Variants in SFMBT1 observed in about 807,000 individuals in gnomAD.
The protein encoded by SFMBT1 is Scm like with four mbt domains 1.
In SFMBT1, 32 loss-of-function variants were observed where a neutral mutation model predicts 108.7. That is an observed-to-expected ratio of 0.29 (90% CI 0.22 to 0.40). The LOEUF is 0.40. SFMBT1 is among the 10% of genes least tolerant of loss of function. The pLI is 1.00. For synonymous variants in SFMBT1, 348 were observed against 369.5 expected, an observed-to-expected ratio of 0.94 and a Z score of 0.67; for missense variants, 816 against 1,059.6, an observed-to-expected ratio of 0.77 and a Z score of 3.19.
At position 52,928,358 on chromosome 3, in the gene SFMBT1, T is replaced by C. The variant is rs1016656108; in HGVS notation, c.898-17A>G. Reference sequence around the variant, plus strand: ...ATCAAAAACCTATACATGCAATTAATAGATGAAATAGACAAATGCACACAT... The same window carrying C: ...ATCAAAAACCTATACATGCAATTAACAGATGAAATAGACAAATGCACACAT... On this transcript the variant is annotated splice_polypyrimidine_tract_variant and intron_variant, in intron 8 of 20. Transcript: ENST00000394752. 1.7e-5 allele frequency: 27 copies of C among 1,610,634 alleles called. No individual in the cohort carries two copies. Among genetic ancestry groups the C allele is most frequent in the Non-Finnish European group, 2.1e-5 (25 of 1,179,330 alleles).
intron 1 of SFMBT1, among the ~76,000 whole-genome samples, chr3:53,040,750 A>G (rs552426076): frequency 2.6e-5 from 4 of 152,168 alleles, no homozygotes; most frequent in Non-Finnish European, 5.9e-5. Context: ...TTCAAACCAC[A>G]GAGTTCAACA....
intron 1 of SFMBT1, among the ~76,000 whole-genome samples, chr3:53,028,566 G>A (rs1382149234): frequency 6.6e-6 from 1 of 152,134 alleles, no homozygotes; most frequent in Non-Finnish European, 1.5e-5. Context: ...CCAGCTACTC[G>A]GGAGGCTGAG....
intron 1 of SFMBT1, among the ~76,000 whole-genome samples, chr3:53,030,683 CAAA>C (rs10668462): frequency 0.03 from 2,470 of 82,706 alleles, 60 homozygotes; most frequent in African/African-American, 0.091. Flanking sequence ...GGCCATAATG[CAAA>C]AAAAAAAAAA....
intron 1 of SFMBT1, among the ~76,000 whole-genome samples, chr3:53,007,381 G>A (rs1462365473): frequency 1.3e-5 from 2 of 152,188 alleles, no homozygotes; most frequent in Non-Finnish European, 2.9e-5. Flanking sequence ...CCAAAAAAAG[G>A]TCAATATTTG....
At chr3:53,025,564 C>T (rs1699459309) in intron 1 of SFMBT1, among the ~76,000 whole-genome samples, 1 of 151,962 alleles carries the variant, frequency 6.6e-6, no homozygotes, top group Admixed American at 6.6e-5. Flanking sequence ...TTCAGTGAGC[C>T]ATGATTGTGC....
intron 1 of SFMBT1, among the ~76,000 whole-genome samples, chr3:53,027,697 C>G (rs946670649): frequency 6.6e-6 from 1 of 152,296 alleles, no homozygotes. Flanking sequence ...CCTTTTTTCA[C>G]AGGCATGGAT....
At chr3:53,037,515 A>G (rs1460093884) in intron 1 of SFMBT1, among the ~76,000 whole-genome samples, 2 of 152,244 alleles carry the variant, frequency 1.3e-5, no homozygotes, top group Non-Finnish European at 2.9e-5. Flanking sequence ...GCCAACATTA[A>G]AAGAGAAATA....
At chr3:52,973,959 T>C (rs1031830695) in intron 1 of SFMBT1, among the ~76,000 whole-genome samples, 30 of 152,206 alleles carry the variant, frequency 2.0e-4, no homozygotes, top group African/African-American at 7.2e-4. Flanking sequence ...TGCCCTTTCT[T>C]TTCAAGGCTA....
chr3:53,006,628 C>CAAAAAAAAAAAA (rs145854514), intron 1 of SFMBT1, among the ~76,000 whole-genome samples: 7 of 126,310 alleles, frequency 5.5e-5, no homozygotes, highest in African/African-American at 2.0e-4. Flanking sequence ...AACTCCGTCT[C>CAAAAAAAAAAAA]AAAAAAAAAA....
At chr3:52,979,770 A>G (rs1354159429) in intron 1 of SFMBT1, among the ~76,000 whole-genome samples, 4 of 152,242 alleles carry the variant, frequency 2.6e-5, no homozygotes, top group Non-Finnish European at 5.9e-5. Context: ...CTGTCAATAA[A>G]TATTTACTGA....
chr3:52,962,712 G>C lies in SFMBT1; in HGVS notation c.28+6389C>G, dbSNP rs577621799. Among the ~76,000 whole-genome samples the C allele has an allele frequency of 2.7e-5, 4 of 149,254 alleles. No homozygotes were observed. The South Asian group carries it at 8.6e-4, about 32-fold the overall frequency. ...AATCCCAGCTACTCAGGAGGCTAAG[G>C]CATGAGAATCGTTTGAACCCAGAGG... On this transcript the variant is annotated intron_variant, in intron 2 of 20. Transcript: ENST00000394752.
intron 17 of SFMBT1, 94 bp from the exon 18 acceptor site, chr3:52,907,827 T>C: frequency 8.6e-7 from 1 of 1,157,294 alleles, no homozygotes; most frequent in Non-Finnish European, 1.2e-6. Flanking sequence ...AAAAAACAGG[T>C]ACATTGTATT....
chr3:52,963,092 C>A (rs1240934929), intron 2 of SFMBT1, among the ~76,000 whole-genome samples: 2 of 151,782 alleles, frequency 1.3e-5, no homozygotes, highest in African/African-American at 4.8e-5. Context: ...CTCCTGGGTA[C>A]AAGAGGTTCT....
At chr3:52,912,785 A>T (rs1020821773) in intron 15 of SFMBT1, 138 bp from the exon 16 acceptor site, 2 of 662,030 alleles carry the variant, frequency 3.0e-6, no homozygotes, top group Admixed American at 5.2e-5. Flanking sequence ...AATGTTAACA[A>T]AATAATAGTA....
chr3:52,958,459 C>T (rs1427443397), intron 2 of SFMBT1, among the ~76,000 whole-genome samples: 1 of 152,098 alleles, frequency 6.6e-6, no homozygotes, highest in Non-Finnish European at 1.5e-5. Context: ...GGCGTGGTGG[C>T]GTGTGCCTGT....
chr3:52,928,110 A>C, intron 9 of SFMBT1, 81 bp downstream of exon 9: 1 of 1,538,352 alleles, frequency 6.5e-7, no homozygotes, highest in Non-Finnish European at 8.8e-7. Context: ...GAGGGACAAA[A>C]GATTTCAGCA....
intron 1 of SFMBT1, among the ~76,000 whole-genome samples, chr3:52,979,844 G>C (rs375617710): frequency 1.3e-4 from 20 of 152,068 alleles, no homozygotes; most frequent in African/African-American, 4.8e-4. Context: ...CTGCCCTCAC[G>C]AATCTCATAA....
chr3:52,905,009 G>T lies in SFMBT1; in HGVS notation c.*127C>A. The T allele has an allele frequency of 7.6e-7, 1 of 1,307,878 alleles. No individual in the cohort carries two copies. The highest frequency in any genetic ancestry group is 1.0e-6 in the Non-Finnish European group (1 of 968,520). 81.0% of individuals were successfully genotyped at this position (1,307,878 alleles called of 1,614,324 possible). A position where few individuals can be genotyped will look rare whatever the true frequency, so the allele number is the denominator to read the frequency against. On this transcript the variant is annotated 3_prime_UTR_variant, in exon 21 of 21. Transcript: ENST00000394752. ...CTGTGAGTCCTCCTTCCCCGAAAGT[G>T]CAAAGAGAGCAAGCTGATACCTGCA...
intron 10 of SFMBT1, among the ~76,000 whole-genome samples, chr3:52,922,323 T>TTTC (rs1374000158): frequency 6.6e-6 from 1 of 152,206 alleles, no homozygotes; most frequent in African/African-American, 2.4e-5. Context: ...AGAATGTTTA[T>TTTC]CAACAGTGGG....
Sources: gnomAD v4.1 joint callset for allele counts (sites outside exome capture counted in the v4.1 genomes callset) on GRCh38, gnomAD v4.1.1 for gene constraint, MANE v1.5 for transcripts, NCBI Gene and HGNC (gene_info 2026-07-23, HGNC 2026-07-21) for gene names.